MUC5AC: variants seen among roughly 807,000 people sequenced by gnomAD.
MUC5AC encodes the protein mucin-5AC.
MUC5AC carries 158 observed loss-of-function variants against 169.7 expected under a neutral mutation model. The observed-to-expected ratio is 0.93, with a 90% CI of 0.82 to 1.06. The LOEUF is 1.06. Among genes scored for constraint, MUC5AC ranks in the 50% least tolerant of loss-of-function variants. The pLI is 0.00. For missense variants in MUC5AC, 4,359 were observed against 3,089.9 expected, an observed-to-expected ratio of 1.41 and a Z score of -9.74; for synonymous variants, 1,975 against 1,237.0, an observed-to-expected ratio of 1.60 and a Z score of -12.52.
Position 1,188,301 on chromosome 11 carries a change from C to T in MUC5AC, c.10156C>T (p.Pro3386Ser), listed in dbSNP as rs1861002748. ...TCCTACAACCAGCACAACCTCTGCT[C>T]CCACAACCAGCACAACTTCTGCCCC... The part of the protein sequence containing the change: ...SAPTTSTTSA[P>S]TTSTTSAPTT... The change falls in exon 31 of 49, where the codon CCC (proline) becomes TCC (serine). Residue 3386 changes from proline to serine, a missense_variant. Transcript: ENST00000621226. The T allele has an allele frequency of 4.3e-6, 3 of 698,806 alleles. No individual in the cohort carries two copies. Among genetic ancestry groups the T allele is most frequent in the South Asian group, 3.0e-5 (2 of 66,752 alleles). 43.3% of individuals were successfully genotyped at this position (698,806 alleles called of 1,614,324 possible). A position where few individuals can be genotyped will look rare whatever the true frequency, so the allele number is the denominator to read the frequency against.
At chr11:1,163,833 G>A in intron 6 of MUC5AC, 49 bp from the exon 7 acceptor site, 3 of 1,456,840 alleles carry the variant, frequency 2.1e-6, no homozygotes, top group Non-Finnish European at 2.8e-6. Flanking sequence ...GTGCTGGGCT[G>A]ACGGGTACCG....
rs1319732506 is a variant in MUC5AC, at chr11:1,188,600, T to C, written c.10455T>C (p.Thr3485=). The stretch of plus-strand genomic sequence containing the variant: ...GCACAACCTCCGGTTCTGGAACTAC[T>C]CCCAGCCCTGTTACCACCACCAGCA... ...TSSTTSGSGT[T]PSPVTTTSTA... The change falls in exon 31 of 49, where the codon ACT becomes ACC. Residue 3485 remains threonine, a synonymous_variant. Coordinates refer to ENST00000621226, the MANE Select transcript of MUC5AC (RefSeq NM_001304359.2). 2 of 764,690 alleles carry C rather than the reference T, an allele frequency of 2.6e-6. No individual in the cohort carries two copies. Among genetic ancestry groups the C allele is most frequent in the Non-Finnish European group, 4.8e-6 (2 of 417,760 alleles). The allele number at this position is 764,690 out of a possible 1,614,324, so 47.4% of individuals were successfully genotyped here. A position where few individuals can be genotyped will look rare whatever the true frequency, so the allele number is the denominator to read the frequency against.
In MUC5AC at chr11:1,194,591, C is replaced by T; in HGVS notation, c.15111C>T (p.Val5037=). The change falls in exon 35 of 49, where the codon GTC becomes GTT. Residue 5037 remains valine (V), a synonymous_variant. Coordinates refer to ENST00000621226, the MANE Select transcript of MUC5AC (RefSeq NM_001304359.2). The part of the protein sequence containing the change: ...KMYATIPELG[V]QVMFSGLIFS... ...ACGCGACCATCCCGGAGCTGGGAGT[C>T]CAGGTCATGTTCTCCGGCCTCATCT... 2.6e-6 allele frequency: 2 copies of T among 764,680 alleles called. No individual in the cohort carries two copies. The highest frequency in any genetic ancestry group is 4.8e-6 in the Non-Finnish European group (2 of 417,684). The allele number at this position is 764,680 out of a possible 1,614,324, so 47.4% of individuals were successfully genotyped here. A position where few individuals can be genotyped will look rare whatever the true frequency, so the allele number is the denominator to read the frequency against.
At chr11:1,170,590 C>CACCT (rs1860481359) in intron 15 of MUC5AC, among the ~76,000 whole-genome samples, 1 of 131,684 alleles carries the variant, frequency 7.6e-6, no homozygotes, top group Non-Finnish European at 1.6e-5. Flanking sequence ...CCTACTCACT[C>CACCT]ACTCACTCAC....
chr11:1,160,717 T>C, intron 2 of MUC5AC, 28 bp downstream of exon 2: 5 of 1,593,114 alleles, frequency 3.1e-6, no homozygotes, highest in Non-Finnish European at 4.3e-6. Context: ...GCCCCCACCC[T>C]AAGCCTGTCA....
Position 1,163,931 on chromosome 11 carries a change from C to T in MUC5AC, c.729C>T (p.Asp243=), listed in dbSNP as rs761078132. The change falls in exon 7 of 49, where the codon GAC becomes GAT. Residue 243 remains aspartate, a synonymous_variant. Transcript: ENST00000621226. ...MEFGNLQKMD[D]PTDQCQDPVP... ...TCGGGAACCTGCAGAAGATGGACGA[C>T]CCCACGGACCAGTGTCAGGACCCTG... 1 of 1,611,476 alleles carries T rather than the reference C, an allele frequency of 6.2e-7. No homozygotes were observed. Among genetic ancestry groups the T allele is most frequent in the East Asian group, 2.2e-5 (1 of 44,844 alleles).
intron 12 of MUC5AC, 110 bp downstream of exon 12, chr11:1,168,097 G>A: frequency 2.2e-6 from 2 of 925,130 alleles, no homozygotes; most frequent in Non-Finnish European, 3.4e-6. Flanking sequence ...CGAGAGGCGG[G>A]GACCCTCTGG....
At chr11:1,163,436 G>A (rs1041877484) in intron 6 of MUC5AC, among the ~76,000 whole-genome samples, 1 of 152,186 alleles carries the variant, frequency 6.6e-6, no homozygotes, top group Non-Finnish European at 1.5e-5. Flanking sequence ...GGCCCATGAA[G>A]CCCCATACAA....
chr11:1,193,457 G>A lies in MUC5AC; in HGVS notation c.14581-28G>A, dbSNP rs1280940656. On this transcript the variant is annotated intron_variant, in intron 32 of 48. Transcript: ENST00000621226. ...GTGCCCCGGAGATCGGGAGAGGCCG[G>A]ACCCTGCAGGTCTCTGTGCTTCTGC... 5 of 701,338 alleles carry A rather than the reference G, an allele frequency of 7.1e-6. No homozygotes were observed. In the Admixed American group the frequency reaches 9.9e-5, roughly 14 times the overall value. The allele number at this position is 701,338 out of a possible 1,614,324, so 43.4% of individuals were successfully genotyped here.
In MUC5AC at chr11:1,176,570, C is replaced by T. The variant is rs1488549451; in HGVS notation, c.2559C>T (p.Gly853=). The change falls in exon 21 of 49, where the codon GGC becomes GGT. Residue 853 remains glycine, a synonymous_variant. Coordinates refer to ENST00000621226, the MANE Select transcript of MUC5AC (RefSeq NM_001304359.2). ...GCCCCGACGGGCTGGTGGCGGACGG[C>T]GAGGGCGGCTGCATCACTGCGGAGG... is the stretch of plus-strand genomic sequence containing the variant. The part of the protein sequence containing the change: ...CVCPDGLVAD[G]EGGCITAEDC... 1.3e-5 allele frequency: 5 copies of T among 399,640 alleles called. No homozygotes were observed. The highest frequency in any genetic ancestry group is 3.6e-5 in the East Asian group (1 of 28,108). The allele number at this position is 399,640 out of a possible 1,614,324, so 24.8% of individuals were successfully genotyped here.
In MUC5AC at chr11:1,179,268, TG is replaced by T; in HGVS notation, c.3484+24del. On this transcript the variant is annotated intron_variant, in intron 26 of 48. Transcript: ENST00000621226. ...TCTGCCGTGAGTGCGAGTGGGCACC[TG>T]GGGAAGAACAGGAAGCGCCGGCAGC... The T allele has an allele frequency of 1.9e-6, 1 of 534,382 alleles. No individual in the cohort carries two copies. Among genetic ancestry groups the T allele is most frequent in the South Asian group, 2.5e-5 (1 of 39,754 alleles). 33.1% of individuals were successfully genotyped at this position (534,382 alleles called of 1,614,324 possible). A position where few individuals can be genotyped will look rare whatever the true frequency, so the allele number is the denominator to read the frequency against.
intron 26 of MUC5AC, 61 bp downstream of exon 26, chr11:1,179,309 A>C: frequency 2.1e-6 from 1 of 476,438 alleles, no homozygotes. Flanking sequence ...GCCCCACCAC[A>C]CTCGCCGCTG....
chr11:1,200,091 G>A (rs1861385341), intron 48 of MUC5AC, 122 bp downstream of exon 48: 1 of 614,294 alleles, frequency 1.6e-6, no homozygotes, highest in African/African-American at 1.8e-5. Flanking sequence ...AAAGGGCTCT[G>A]AGGGTGAGGC....
Position 1,189,409 on chromosome 11 carries a change from C to T in MUC5AC, c.11264C>T (p.Ala3755Val). Residue 3755 changes from alanine (A) to valine (V), a missense_variant, in exon 31 of 49, where the codon GCT (alanine) becomes GTT (valine). Transcript: ENST00000621226. ...GCCCCTACAACCAGCACAACCTCTGCTCCCACAGCCAGCACAACGTCAGCT... is the reference window on the plus strand; with the variant it reads ...GCCCCTACAACCAGCACAACCTCTGTTCCCACAGCCAGCACAACGTCAGCT... ...ISAPTTSTTS[A>V]PTASTTSAPT... The T allele has an allele frequency of 1.7e-6, 1 of 573,774 alleles. No individual in the cohort carries two copies. The allele number at this position is 573,774 out of a possible 1,614,324, so 35.5% of individuals were successfully genotyped here. A position where few individuals can be genotyped will look rare whatever the true frequency, so the allele number is the denominator to read the frequency against.
At chr11:1,166,475 A>G (rs1860337007) in intron 11 of MUC5AC, among the ~76,000 whole-genome samples, 2 of 119,444 alleles carry the variant, frequency 1.7e-5, no homozygotes, top group South Asian at 3.0e-4. Flanking sequence ...CCCTACACCC[A>G]ACACACAGTC....
rs1433864527 is a variant in MUC5AC, at chr11:1,185,242, C to T, written c.7097C>T (p.Ser2366Phe). The change falls in exon 31 of 49, where the codon TCT becomes TTT. Residue 2366 changes from serine (S) to phenylalanine (F), a missense_variant. Coordinates refer to ENST00000621226, the MANE Select transcript of MUC5AC (RefSeq NM_001304359.2). ...TCTGCCCCTACAACCAGCACAACCTCTGCTCCTACAACCAGCACAACCTCT... is the reference window on the plus strand; with the variant it reads ...TCTGCCCCTACAACCAGCACAACCTTTGCTCCTACAACCAGCACAACCTCT... Reference protein sequence around the residue: ...ITSAPTTSTTSAPTTSTTSAR... With the variant: ...ITSAPTTSTTFAPTTSTTSAR... 2.8e-6 allele frequency: 2 copies of T among 726,220 alleles called. No individual in the cohort carries two copies. Among genetic ancestry groups the T allele is most frequent in the African/African-American group, 3.5e-5 (2 of 57,676 alleles). The allele number at this position is 726,220 out of a possible 1,614,324, so 45.0% of individuals were successfully genotyped here. A position where few individuals can be genotyped will look rare whatever the true frequency, so the allele number is the denominator to read the frequency against.
chr11:1,190,607 C>T lies in MUC5AC; in HGVS notation c.12462C>T (p.Thr4154=), dbSNP rs1861065111. 8.6e-6 allele frequency: 6 copies of T among 694,860 alleles called. No individual in the cohort carries two copies. Among genetic ancestry groups the T allele is most frequent in the South Asian group, 7.6e-5 (5 of 65,650 alleles). The allele number at this position is 694,860 out of a possible 1,614,324, so 43.0% of individuals were successfully genotyped here. Residue 4154 remains threonine, a synonymous_variant, in exon 31 of 49, where the codon ACC becomes ACT. Transcript: ENST00000621226. ...RTTSGPTTST[T]LAPTTSTTSA... ...CTTCTGGTCCTACAACCAGCACAACCTTGGCTCCTACAACCAGCACAACCT... is the reference window on the plus strand; with the variant it reads ...CTTCTGGTCCTACAACCAGCACAACTTTGGCTCCTACAACCAGCACAACCT...
At position 1,188,381 on chromosome 11, in the gene MUC5AC, C is replaced by A; in HGVS notation, c.10236C>A (p.Ser3412Arg). Residue 3412 changes from serine (S) to arginine (R), a missense_variant, in exon 31 of 49, where the codon AGC becomes AGA. Physicochemically the swap from Ser to Arg is moderately radical, Grantham distance 110. Transcript: ENST00000621226. Reference sequence around the variant, plus strand: ...CCAGCATATCCTCTGCCCCTACAAGCAGCACAACCTCGGCTCCTACAAGCA... The same window carrying A: ...CCAGCATATCCTCTGCCCCTACAAGAAGCACAACCTCGGCTCCTACAAGCA... ...PQTSISSAPT[S>R]STTSAPTSST... 1 of 635,032 alleles carries A rather than the reference C, an allele frequency of 1.6e-6. No homozygotes were observed. The highest frequency in any genetic ancestry group is 2.2e-5 in the Admixed American group (1 of 45,672). 39.3% of individuals were successfully genotyped at this position (635,032 alleles called of 1,614,324 possible).
chr11:1,196,893 C>A lies in MUC5AC; in HGVS notation c.15846C>A (p.His5282Gln). 1 of 763,430 alleles carries A rather than the reference C, an allele frequency of 1.3e-6. No individual in the cohort carries two copies. Among genetic ancestry groups the A allele is most frequent in the South Asian group, 1.3e-5 (1 of 74,082 alleles). The allele number at this position is 763,430 out of a possible 1,614,324, so 47.3% of individuals were successfully genotyped here. Residue 5282 changes from histidine (H) to glutamine (Q), a missense_variant, in exon 40 of 49, where the codon CAC becomes CAA. His to Gln is a conservative substitution (Grantham distance 24). Coordinates refer to ENST00000621226, the MANE Select transcript of MUC5AC (RefSeq NM_001304359.2). ...TCCTTCCAGGGTGTCTGGGGCCCCACGGAGAGCCGGTGAAGGTGAGTGGAA... is the reference window on the plus strand; with the variant it reads ...TCCTTCCAGGGTGTCTGGGGCCCCAAGGAGAGCCGGTGAAGGTGAGTGGAA... ...PTGCPRCLGP[H>Q]GEPVKVGHTV...
Sources: gnomAD v4.1 joint callset for allele counts (sites outside exome capture counted in the v4.1 genomes callset) on GRCh38, gnomAD v4.1.1 for gene constraint, MANE v1.5 for transcripts, NCBI Gene and HGNC (gene_info 2026-07-23, HGNC 2026-07-21) for gene names.